The following ASTN2 variants were observed in gnomAD, a reference collection of about 807,000 sequenced individuals.
ASTN2 encodes astrotactin 2.
A neutral mutation model predicts 139.8 loss-of-function variants in ASTN2; 54 were observed. The ratio of observed to expected loss-of-function variants is 0.39; its 90% CI spans 0.31 to 0.48. ASTN2 has a LOEUF of 0.48. Among genes scored for constraint, ASTN2 ranks in the 20% least tolerant of loss-of-function variants. The pLI, the probability that ASTN2 is intolerant of heterozygous loss-of-function variation, is 0.95. For missense variants in ASTN2, 1,565 were observed against 1,725.1 expected (o/e 0.91, Z 1.64); for synonymous variants, 756 against 719.5 (o/e 1.05, Z -0.81).
intron 19 of ASTN2, chr9:116,582,336 A>G (rs1853982575): frequency 6.6e-6 from 1 of 152,248 alleles, no homozygotes. Context: ...TCTCCTTTGC[A>G]GCTTTCCTAG....
chr9:117,094,514 A>C (rs1210783565), intron 5 of ASTN2, among the ~76,000 whole-genome samples: 2 of 152,126 alleles, frequency 1.3e-5, no homozygotes, highest in Non-Finnish European at 2.9e-5. Context: ...ATCAATCGTC[A>C]ACTTCTAAAT....
intron 6 of ASTN2, among the ~76,000 whole-genome samples, chr9:117,033,678 T>C (rs915091110): frequency 1.6e-4 from 25 of 152,106 alleles, no homozygotes; most frequent in African/African-American, 5.8e-4. Context: ...ATAATTATCC[T>C]GGTCTCCTCT....
chr9:116,889,430 G>A (rs555582737), intron 10 of ASTN2, among the ~76,000 whole-genome samples: 4 of 152,176 alleles, frequency 2.6e-5, no homozygotes, highest in African/African-American at 7.2e-5. Flanking sequence ...AATTGCTGCC[G>A]CTGGCCTGTT....
At chr9:116,678,744 G>C (rs1859655203) in intron 16 of ASTN2, among the ~76,000 whole-genome samples, 3 of 152,022 alleles carry the variant, frequency 2.0e-5, no homozygotes, top group Admixed American at 2.0e-4. Context: ...ACTCATGTGG[G>C]GCCAGAATCT....
chr9:116,663,592 G>A (rs1053599295), intron 16 of ASTN2, among the ~76,000 whole-genome samples: 17 of 152,102 alleles, frequency 1.1e-4, no homozygotes, highest in South Asian at 2.1e-4. Context: ...TCCCCTCTGC[G>A]GTGTAACTCT....
At chr9:116,915,811 TA>T (rs1834430001) in intron 10 of ASTN2, among the ~76,000 whole-genome samples, 1 of 152,174 alleles carries the variant, frequency 6.6e-6, no homozygotes, top group South Asian at 2.1e-4. Context: ...AATAAACCAG[TA>T]AAAATCAAAG....
rs946106948 is a variant in ASTN2 at position 117,266,625 on chromosome 9, C to A, written c.630+24701G>T. On this transcript the variant is annotated intron_variant, in intron 2 of 22. Transcript: ENST00000313400. ...AACTACACTGACCCATGTCTACCAC[C>A]TGCAAAAAAATAAGTTGCCTTTAAT... Among the ~76,000 whole-genome samples the A allele has an allele frequency of 2.0e-5, 3 of 152,192 alleles. No individual in the cohort carries two copies. The South Asian group carries it at 6.2e-4, about 31-fold the overall frequency.
At chr9:117,256,875 G>C (rs909083261) in intron 2 of ASTN2, among the ~76,000 whole-genome samples, 15 of 152,022 alleles carry the variant, frequency 9.9e-5, no homozygotes, top group African/African-American at 3.6e-4. Context: ...TAAGAGATGG[G>C]GAAACTGAAG....
chr9:116,567,521 G>A (rs1480946189), intron 19 of ASTN2, among the ~76,000 whole-genome samples: 1 of 152,166 alleles, frequency 6.6e-6, no homozygotes, highest in Admixed American at 6.5e-5. Context: ...GGGCTCTCAT[G>A]TCCCTAAAAA....
intron 3 of ASTN2, among the ~76,000 whole-genome samples, chr9:117,169,136 G>A (rs1184286622): frequency 6.6e-6 from 1 of 152,000 alleles, no homozygotes; most frequent in African/African-American, 2.4e-5. Context: ...ATAAATAGAG[G>A]TTGCTAATGG....
intron 17 of ASTN2, among the ~76,000 whole-genome samples, chr9:116,647,333 G>A (rs968326392): frequency 2.0e-5 from 3 of 152,142 alleles, no homozygotes; most frequent in Non-Finnish European, 4.4e-5. Flanking sequence ...TACAGTGGGG[G>A]CTCAAAGATA....
At chr9:117,277,013 C>T (rs1429826874) in intron 2 of ASTN2, 1 of 152,374 alleles carries the variant, frequency 6.6e-6, no homozygotes, top group Middle Eastern at 3.4e-3. Context: ...GCTGCAACAT[C>T]TGTCACTCCA....
At chr9:117,118,152 A>G (rs1829446971) in intron 4 of ASTN2, among the ~76,000 whole-genome samples, 1 of 152,110 alleles carries the variant, frequency 6.6e-6, no homozygotes, top group South Asian at 2.1e-4. Context: ...AAGTAATTTA[A>G]TTTCCCTGTT....
At chr9:117,108,633 C>T in intron 4 of ASTN2, among the ~76,000 whole-genome samples, 1 of 152,094 alleles carries the variant, frequency 6.6e-6, no homozygotes. Flanking sequence ...TTGTGAGAAC[C>T]AGAGAGTTCT....
chr9:116,872,735 G>C (rs1384133166), intron 10 of ASTN2, among the ~76,000 whole-genome samples: 2 of 152,160 alleles, frequency 1.3e-5, no homozygotes, highest in Non-Finnish European at 2.9e-5. Context: ...ATTAGGTAAA[G>C]GGGGATAAAT....
At chr9:116,927,649 AG>A (rs1255185442) in intron 10 of ASTN2, among the ~76,000 whole-genome samples, 1 of 152,298 alleles carries the variant, frequency 6.6e-6, no homozygotes, top group East Asian at 1.9e-4. Flanking sequence ...CGGACTCCCA[AG>A]GAATGGTGGC....
intron 2 of ASTN2, among the ~76,000 whole-genome samples, chr9:117,267,943 G>T (rs570174869): frequency 1.3e-5 from 2 of 152,304 alleles, no homozygotes; most frequent in African/African-American, 4.8e-5. Context: ...CCACTTTGTT[G>T]TTACATATCA....
chr9:116,871,206 C>T (rs571088198), intron 10 of ASTN2, among the ~76,000 whole-genome samples: 6 of 152,004 alleles, frequency 3.9e-5, no homozygotes, highest in Admixed American at 2.0e-4. Flanking sequence ...TGCAGTGAGC[C>T]GAGATCGTGC....
chr9:116,765,040 G>A (rs1439297275), intron 13 of ASTN2, among the ~76,000 whole-genome samples: 5 of 152,032 alleles, frequency 3.3e-5, no homozygotes, highest in Non-Finnish European at 5.9e-5. Context: ...TTTGAGAGAC[G>A]CTGTGTGAAA....
Sources: allele counts gnomAD v4.1 joint callset (sites outside exome capture counted in the v4.1 genomes callset), GRCh38; gene constraint gnomAD v4.1.1; transcripts MANE v1.5; gene names NCBI Gene and HGNC (gene_info 2026-07-23, HGNC 2026-07-21).